Variants in FOXN3 observed in about 807,000 individuals in gnomAD.
The protein encoded by FOXN3 is forkhead box N3.
In FOXN3, 7 loss-of-function variants were observed where a neutral mutation model predicts 38.4. The ratio of observed to expected loss-of-function variants is 0.18; its 90% confidence interval spans 0.10 to 0.34. The LOEUF (loss-of-function observed/expected upper bound fraction) is 0.34, where lower values mean the gene tolerates loss of function less well. FOXN3 is among the 10% of genes least tolerant of loss of function. The pLI, the probability that FOXN3 is intolerant of heterozygous loss-of-function variation, is 1.00. For missense variants in FOXN3, 456 were observed against 613.4 expected, an observed-to-expected ratio of 0.74 and a Z score of 2.71; for synonymous variants, 230 against 242.2, an observed-to-expected ratio of 0.95 and a Z score of 0.47.
At chr14:89,540,688 A>T (rs1894775901) in intron 1 of FOXN3, among the ~76,000 whole-genome samples, 1 of 150,886 alleles carries the variant, frequency 6.6e-6, no homozygotes. Flanking sequence ...TAGTGAGCCG[A>T]GATTGCAACA....
At chr14:89,500,753 T>A (rs1173189241) in intron 1 of FOXN3, among the ~76,000 whole-genome samples, 1 of 152,224 alleles carries the variant, frequency 6.6e-6, no homozygotes, top group Non-Finnish European at 1.5e-5. Flanking sequence ...GGTGGCTTTG[T>A]TCCTGGAGCA....
chr14:89,440,407 C>T (rs905372995), intron 1 of FOXN3, among the ~76,000 whole-genome samples: 1 of 152,200 alleles, frequency 6.6e-6, no homozygotes, highest in African/African-American at 2.4e-5. Flanking sequence ...TCCCCTGTGA[C>T]TTGCACGTAT....
At chr14:89,389,136 C>T (rs999403961) in intron 2 of FOXN3, among the ~76,000 whole-genome samples, 1 of 152,060 alleles carries the variant, frequency 6.6e-6, no homozygotes, top group Non-Finnish European at 1.5e-5. Flanking sequence ...AACTTACAGG[C>T]CCGTTTGGGA....
rs1274711789 is a variant in FOXN3, at chr14:89,217,237, C to A, written c.746-36431G>T. On this transcript the variant is annotated intron_variant, in intron 4 of 5. Coordinates refer to ENST00000557258, the MANE Select transcript of FOXN3 (RefSeq NM_005197.4). ...GCAGCCTGGACCTCCTGGGCACAAG[C>A]AATCCTCCTGTCGCATTGCAGCCTC... Among the ~76,000 whole-genome samples, 3 of 152,162 alleles carry A rather than the reference C, an allele frequency of 2.0e-5. No homozygotes were observed. In the East Asian group the frequency reaches 5.8e-4, roughly 29 times the overall value.
chr14:89,245,788 C>T (rs1423416587), intron 4 of FOXN3, among the ~76,000 whole-genome samples: 1 of 152,162 alleles, frequency 6.6e-6, no homozygotes, highest in Admixed American at 6.5e-5. Context: ...GTTAAACAAA[C>T]AAACTCCTGA....
chr14:89,530,436 A>G (rs1202772796), intron 1 of FOXN3, among the ~76,000 whole-genome samples: 3 of 151,900 alleles, frequency 2.0e-5, no homozygotes, highest in Non-Finnish European at 2.9e-5. Context: ...CCACCACCAG[A>G]ACAGCACAGG....
In FOXN3 at chr14:89,188,915, G is replaced by A. The variant is rs570209808; in HGVS notation, c.746-8109C>T. On this transcript the variant is annotated intron_variant, in intron 4 of 5. Transcript: ENST00000557258. The stretch of plus-strand genomic sequence containing the variant: ...ACATCATTTAAAAACCACACTCCAG[G>A]TTAACTGCTAGTTATAGAGCTAGGC... Among the ~76,000 whole-genome samples, 111 of 152,184 alleles carry A rather than the reference G, an allele frequency of 7.3e-4. 2 individuals are homozygous for A. The highest frequency in any genetic ancestry group is 2.5e-3 in the South Asian group (12 of 4,818).
At chr14:89,376,691 G>C (rs1490871896) in intron 2 of FOXN3, among the ~76,000 whole-genome samples, 1 of 152,040 alleles carries the variant, frequency 6.6e-6, no homozygotes, top group Non-Finnish European at 1.5e-5. Flanking sequence ...GGTTTAAGAA[G>C]CACCCAGCAT....
At chr14:89,506,417 TCTGC>T (rs1893938318) in intron 1 of FOXN3, among the ~76,000 whole-genome samples, 1 of 144,958 alleles carries the variant, frequency 6.9e-6, no homozygotes, top group South Asian at 2.2e-4. Context: ...GAGGAGCCCC[TCTGC>T]CTGGCCAGCT....
chr14:89,574,088 T>C (rs1446650769), intron 1 of FOXN3, among the ~76,000 whole-genome samples: 3 of 152,188 alleles, frequency 2.0e-5, no homozygotes, highest in Non-Finnish European at 4.4e-5. Flanking sequence ...AGGAGTCACT[T>C]TTTTAAGGAG....
intron 4 of FOXN3, among the ~76,000 whole-genome samples, chr14:89,261,196 CAAA>C (rs1885788687): frequency 2.0e-5 from 3 of 152,164 alleles, no homozygotes; most frequent in Admixed American, 6.5e-5. Context: ...AGAGACCCAC[CAAA>C]TGGTTCAGTG....
At chr14:89,397,441 T>TAAAAAA (rs35139656) in intron 2 of FOXN3, among the ~76,000 whole-genome samples, 1 of 120,654 alleles carries the variant, frequency 8.3e-6, no homozygotes, top group South Asian at 2.6e-4. Context: ...AAATAAAAGT[T>TAAAAAA]AAAAAAAAAA....
At chr14:89,585,139 C>T (rs1010919025) in intron 1 of FOXN3, among the ~76,000 whole-genome samples, 1 of 152,126 alleles carries the variant, frequency 6.6e-6, no homozygotes, top group African/African-American at 2.4e-5. Context: ...CCCCTAGACC[C>T]ACACACCTCA....
At chr14:89,297,814 C>CA (rs567910054) in intron 3 of FOXN3, among the ~76,000 whole-genome samples, 52 of 150,270 alleles carry the variant, frequency 3.5e-4, no homozygotes, top group Admixed American at 1.5e-3. Flanking sequence ...CCTGATTCTA[C>CA]AAAAAAAAAA....
rs1474063703 is a variant in FOXN3 at position 89,162,603 on chromosome 14, C to T, written c.1218G>A (p.Arg406=). 1.9e-6 allele frequency: 3 copies of T among 1,613,790 alleles called. No individual in the cohort carries two copies. Among genetic ancestry groups the T allele is most frequent in the Non-Finnish European group, 2.5e-6 (3 of 1,179,986 alleles). The part of the protein sequence containing the change: ...HKKRQHFAKA[R]KVPSDTLPLK... Reference sequence around the variant, plus strand: ...GGGGCAGTGTGTCGCTGGGGACCTTCCTGGCCTTGGCGAAGTGCTGGCGCT... The same window carrying T: ...GGGGCAGTGTGTCGCTGGGGACCTTTCTGGCCTTGGCGAAGTGCTGGCGCT... Residue 406 remains arginine (R), a synonymous_variant, in exon 6 of 6, where the codon AGG becomes AGA. Coordinates refer to ENST00000557258, the MANE Select transcript of FOXN3 (RefSeq NM_005197.4). The surrounding 1 kb of genome is among the most constrained non-coding windows in gnomAD (Gnocchi z 7.2).
chr14:89,456,208 A>AT (rs1269777888), intron 1 of FOXN3, among the ~76,000 whole-genome samples: 2 of 151,526 alleles, frequency 1.3e-5, no homozygotes, highest in African/African-American at 4.8e-5. Flanking sequence ...AAAAAAAAAA[A>AT]AAAAAACTAA....
chr14:89,571,582 G>T (rs1441739498), intron 1 of FOXN3, among the ~76,000 whole-genome samples: 1 of 151,598 alleles, frequency 6.6e-6, no homozygotes, highest in Non-Finnish European at 1.5e-5. Flanking sequence ...TTTATATAAA[G>T]ATCAGAAAGT....
chr14:89,599,242 A>C (rs2139936809), intron 1 of FOXN3, among the ~76,000 whole-genome samples: 1 of 152,338 alleles, frequency 6.6e-6, no homozygotes, highest in Non-Finnish European at 1.5e-5. Flanking sequence ...TTTACACAGC[A>C]TAAAATTCAC....
At chr14:89,613,709 G>C (rs757052102) in intron 1 of FOXN3, among the ~76,000 whole-genome samples, 21 of 152,148 alleles carry the variant, frequency 1.4e-4, no homozygotes, top group Non-Finnish European at 2.2e-4. Context: ...CCCCATGCAG[G>C]TAGTAGAAAC....
Sources: gnomAD v4.1 joint callset for allele counts (sites outside exome capture counted in the v4.1 genomes callset) on GRCh38, gnomAD v4.1.1 for gene constraint, Gnocchi (gnomAD v3.1) non-coding constraint, MANE v1.5 for transcripts, NCBI Gene and HGNC (gene_info 2026-07-23, HGNC 2026-07-21) for gene names.